Variants in DENND6A observed in about 807,000 individuals in gnomAD.
The protein encoded by DENND6A is DENN domain containing 6A, also known as protein DENND6A.
DENND6A carries 43 observed loss-of-function variants against 95.5 expected under a neutral mutation model. That is an observed-to-expected ratio of 0.45 (90% CI 0.35 to 0.58). DENND6A has a LOEUF of 0.58. Among genes scored for constraint, DENND6A ranks in the 20% least tolerant of loss-of-function variants. DENND6A has a pLI of 0.00. For missense variants in DENND6A, 574 were observed against 736.0 expected (o/e 0.78, Z 2.55); for synonymous variants, 257 against 260.4 (o/e 0.99, Z 0.13).
intron 4 of DENND6A, among the ~76,000 whole-genome samples, chr3:57,665,437 C>T (rs1405057507): frequency 6.6e-6 from 1 of 152,022 alleles, no homozygotes; most frequent in Non-Finnish European, 1.5e-5. Context: ...CTTATTAATA[C>T]AGTATCTAGA....
At chr3:57,641,896 G>A (rs1277196477) in intron 11 of DENND6A, 149 bp from the exon 12 acceptor site, 4 of 556,486 alleles carry the variant, frequency 7.2e-6, no homozygotes, top group African/African-American at 1.9e-5. Flanking sequence ...TACATGCCAG[G>A]CAACACGTTT....
chr3:57,648,545 G>A (rs2071127941), intron 9 of DENND6A, among the ~76,000 whole-genome samples: 1 of 152,132 alleles, frequency 6.6e-6, no homozygotes, highest in Admixed American at 6.5e-5. Context: ...CCAAAAAAGA[G>A]CCTGCATAGC....
At chr3:57,654,471 G>C (rs140945272) in intron 9 of DENND6A, among the ~76,000 whole-genome samples, 1 of 152,262 alleles carries the variant, frequency 6.6e-6, no homozygotes, top group Non-Finnish European at 1.5e-5. Context: ...AAAATAACTT[G>C]TTTCTCAAGT....
At position 57,673,731 on chromosome 3, in the gene DENND6A, T is replaced by G. The variant is rs1344471304; in HGVS notation, c.238-1293A>C. Among the ~76,000 whole-genome samples the G allele has an allele frequency of 2.0e-5, 3 of 151,850 alleles. No individual in the cohort carries two copies. In the Admixed American group the frequency reaches 2.0e-4, roughly 10 times the overall value. On this transcript the variant is annotated intron_variant, in intron 1 of 19. Transcript: ENST00000311128. Reference sequence around the variant, plus strand: ...CTATTATATATCCACAATAATGAAGTTTTTTTTGTGCTTTTTTTGTTTTTG... The same window carrying G: ...CTATTATATATCCACAATAATGAAGGTTTTTTTGTGCTTTTTTTGTTTTTG...
At chr3:57,692,229 C>CAAA (rs11303769) in intron 1 of DENND6A, among the ~76,000 whole-genome samples, 46 of 72,796 alleles carry the variant, frequency 6.3e-4, no homozygotes, top group African/African-American at 7.4e-4. Flanking sequence ...AACTCCGTCT[C>CAAA]AAAAAAAAAA....
At chr3:57,653,310 T>C (rs1382672267) in intron 9 of DENND6A, among the ~76,000 whole-genome samples, 2 of 152,164 alleles carry the variant, frequency 1.3e-5, no homozygotes. Context: ...AGGGCACACA[T>C]AGAAGATAGG....
intron 12 of DENND6A, among the ~76,000 whole-genome samples, chr3:57,637,164 C>A (rs1456827015): frequency 6.6e-6 from 1 of 152,112 alleles, no homozygotes; most frequent in Non-Finnish European, 1.5e-5. Context: ...TTATGATGCC[C>A]ATTTCACAGA....
chr3:57,679,903 C>G (rs543196107), intron 1 of DENND6A, among the ~76,000 whole-genome samples: 2 of 152,070 alleles, frequency 1.3e-5, no homozygotes, highest in African/African-American at 4.8e-5. Flanking sequence ...AACAGCAGCT[C>G]GGGAGGAAAA....
chr3:57,638,293 CCATT>C (rs145163502), intron 12 of DENND6A, among the ~76,000 whole-genome samples: 19,867 of 151,036 alleles, frequency 0.13, 1,382 homozygotes, highest in South Asian at 0.21. Context: ...AAAAAAAAAC[CCATT>C]CAAACAACTC....
rs1004447610 is a variant in DENND6A, at chr3:57,685,517, C to T, written c.237+7265G>A. Among the ~76,000 whole-genome samples, 4 of 152,088 alleles carry T rather than the reference C, an allele frequency of 2.6e-5. No individual in the cohort carries two copies. In the South Asian group the frequency reaches 8.3e-4, roughly 31 times the overall value. ...CTGAAATCCAAAATGCTCCAATGAG[C>T]ATTTCCTTTAAAAAGCATCATGTCA... On this transcript the variant is annotated intron_variant, in intron 1 of 19. Transcript: ENST00000311128.
chr3:57,690,942 G>A (rs760592531), intron 1 of DENND6A, among the ~76,000 whole-genome samples: 1 of 152,114 alleles, frequency 6.6e-6, no homozygotes, highest in Non-Finnish European at 1.5e-5. Context: ...AAAAGATCCA[G>A]GAAGCAAAAG....
At position 57,661,540 on chromosome 3, in the gene DENND6A, C is replaced by G; in HGVS notation, c.525G>C (p.Leu175Phe). 2 of 1,578,660 alleles carry G rather than the reference C, an allele frequency of 1.3e-6. No individual in the cohort carries two copies. Among genetic ancestry groups the G allele is most frequent in the Non-Finnish European group, 1.7e-6 (2 of 1,171,926 alleles). The change falls in exon 6 of 20, where the codon TTG becomes TTC. Residue 175 changes from leucine (L) to phenylalanine (F), a missense_variant. Leu to Phe is a conservative substitution (Grantham distance 22). Coordinates refer to ENST00000311128, the MANE Select transcript of DENND6A (RefSeq NM_152678.3). Reference protein sequence around the residue: ...KRGYFQKSLVLISKLPYIHFF... With the variant: ...KRGYFQKSLVFISKLPYIHFF... ...AATGAATATAAGGTAGTTTGCTGATCAAAACCAAGGACTGAGGAAAAAACA... is the reference window on the plus strand; with the variant it reads ...AATGAATATAAGGTAGTTTGCTGATGAAAACCAAGGACTGAGGAAAAAACA...
intron 8 of DENND6A, among the ~76,000 whole-genome samples, chr3:57,658,326 C>T (rs1445958361): frequency 2.6e-5 from 4 of 151,764 alleles, no homozygotes; most frequent in Admixed American, 6.6e-5. Flanking sequence ...GCCAGGAGTT[C>T]GAGACCAGCC....
At chr3:57,662,599 A>T (rs566736251) in intron 5 of DENND6A, among the ~76,000 whole-genome samples, 1 of 152,130 alleles carries the variant, frequency 6.6e-6, no homozygotes, top group Non-Finnish European at 1.5e-5. Context: ...CTTAAAAAAA[A>T]TATAATAGTT....
At chr3:57,670,623 G>A (rs1180898016) in intron 3 of DENND6A, among the ~76,000 whole-genome samples, 3 of 152,160 alleles carry the variant, frequency 2.0e-5, no homozygotes, top group Non-Finnish European at 4.4e-5. Context: ...TATAGGGGGA[G>A]GGTAAAGGGC....
intron 18 of DENND6A, among the ~76,000 whole-genome samples, 158 bp from the exon 19 acceptor site, chr3:57,629,043 A>G (rs1178176099): frequency 6.6e-6 from 1 of 152,052 alleles, no homozygotes; most frequent in African/African-American, 2.4e-5. Flanking sequence ...TAATTCTCAT[A>G]ATATTCTAAT....
intron 11 of DENND6A, among the ~76,000 whole-genome samples, chr3:57,643,826 C>CA (rs1158460000): frequency 0.037 from 3,431 of 93,940 alleles, 90 homozygotes; most frequent in African/African-American, 0.095. Context: ...GACTCTGTCT[C>CA]AAAAAAAAAA....
chr3:57,627,388 T>C lies in DENND6A; in HGVS notation c.*826A>G, dbSNP rs2153411461. On this transcript the variant is annotated 3_prime_UTR_variant, in exon 20 of 20. Coordinates refer to ENST00000311128, the MANE Select transcript of DENND6A (RefSeq NM_152678.3). ...TGGACTCTCGACCTTAAGTGACCTG[T>C]CCACCTTGGCCTCCCAAAGTGCTAG... is the stretch of plus-strand genomic sequence containing the variant. 6.6e-6 allele frequency: 1 copy of C among 152,190 alleles called. No homozygotes were observed. The highest frequency in any genetic ancestry group is 2.4e-5 in the African/African-American group (1 of 41,500). 9.4% of individuals were successfully genotyped at this position (152,190 alleles called of 1,614,324 possible). A position where few individuals can be genotyped will look rare whatever the true frequency, so the allele number is the denominator to read the frequency against.
chr3:57,629,892 T>C (rs1240394192), intron 18 of DENND6A, among the ~76,000 whole-genome samples: 1 of 152,130 alleles, frequency 6.6e-6, no homozygotes, highest in Non-Finnish European at 1.5e-5. Flanking sequence ...AGATGTGGAG[T>C]TAGGCTTCTT....
Sources: allele counts gnomAD v4.1 joint callset (sites outside exome capture counted in the v4.1 genomes callset), GRCh38; gene constraint gnomAD v4.1.1; transcripts MANE v1.5; gene names NCBI Gene and HGNC (gene_info 2026-07-23, HGNC 2026-07-21).